Variants in GPCPD1 observed in about 807,000 individuals in gnomAD.
GPCPD1 encodes the protein glycerophosphocholine phosphodiesterase GPCPD1.
In GPCPD1, 29 loss-of-function variants were observed where a neutral mutation model predicts 89.2. The ratio of observed to expected loss-of-function variants is 0.33; its 90% CI spans 0.24 to 0.44. GPCPD1 has a LOEUF of 0.44. Among genes scored for constraint, GPCPD1 ranks in the 20% least tolerant of loss-of-function variants. The pLI is 1.00. For synonymous variants in GPCPD1, 258 were observed against 266.3 expected, an observed-to-expected ratio of 0.97 and a Z score of 0.30; for missense variants, 594 against 808.9, an observed-to-expected ratio of 0.73 and a Z score of 3.22.
chr20:5,583,014 C>T (rs995529921), intron 6 of GPCPD1, among the ~76,000 whole-genome samples: 3 of 152,030 alleles, frequency 2.0e-5, no homozygotes, highest in African/African-American at 4.8e-5. Flanking sequence ...GCAGGAGGAT[C>T]ACCTGAAGTC....
At chr20:5,603,404 T>A (rs1452114543) in intron 2 of GPCPD1, among the ~76,000 whole-genome samples, 3 of 152,076 alleles carry the variant, frequency 2.0e-5, no homozygotes, top group Non-Finnish European at 2.9e-5. Flanking sequence ...ATCTGGAGGC[T>A]GGCAGTGGGG....
At chr20:5,552,215 C>CT (rs1985456519) in intron 19 of GPCPD1, among the ~76,000 whole-genome samples, 2 of 152,084 alleles carry the variant, frequency 1.3e-5, no homozygotes, top group African/African-American at 4.8e-5. Context: ...CATAACCCAC[C>CT]TTTCCCCTCC....
intron 19 of GPCPD1, 44 bp from the exon 20 acceptor site, chr20:5,547,894 A>G (rs750039361): frequency 1.8e-6 from 2 of 1,112,226 alleles, no homozygotes; most frequent in Non-Finnish European, 2.6e-6. Flanking sequence ...CTGTAATTTT[A>G]TGGTTTACCT....
At chr20:5,565,208 A>G (rs749772718) in intron 14 of GPCPD1, 130 bp from the exon 15 acceptor site, 21 of 616,246 alleles carry the variant, frequency 3.4e-5, no homozygotes, top group East Asian at 2.2e-4. Flanking sequence ...GCGCGAGAGC[A>G]TAAGTAACTC....
Position 5,562,976 on chromosome 20 carries a change from G to A in GPCPD1, c.1330-1446C>T, listed in dbSNP as rs148089218. Among the ~76,000 whole-genome samples, 7 of 151,218 alleles carry A rather than the reference G, an allele frequency of 4.6e-5. No individual in the cohort carries two copies. In the East Asian group the frequency reaches 9.7e-4, roughly 21 times the overall value. On this transcript the variant is annotated intron_variant, in intron 15 of 19. Coordinates refer to ENST00000379019, the MANE Select transcript of GPCPD1 (RefSeq NM_019593.5). The stretch of plus-strand genomic sequence containing the variant: ...AGATTATATTTGGTATTATTTTGGC[G>A]TTAAAATTTCTTTTTTTTTTTTTTG...
intron 2 of GPCPD1, among the ~76,000 whole-genome samples, chr20:5,600,184 A>G (rs977662322): frequency 1.3e-5 from 2 of 152,248 alleles, no homozygotes; most frequent in Admixed American, 6.5e-5. Flanking sequence ...AGCCACCTGC[A>G]TGAGCATTTT....
At chr20:5,607,894 T>A (rs186959321) in intron 1 of GPCPD1, among the ~76,000 whole-genome samples, 12 of 151,284 alleles carry the variant, frequency 7.9e-5, no homozygotes, top group African/African-American at 2.2e-4. Flanking sequence ...CTATCACCCA[T>A]CAAAAGAGCT....
intron 5 of GPCPD1, chr20:5,585,612 T>TACAAAAAAAAAAAG (rs1371220992): frequency 1.2e-5 from 1 of 83,442 alleles, no homozygotes. Flanking sequence ...GAAAACAACT[T>TACAAAAAAAAAAAG]ACAAAAAAAA....
Position 5,586,238 on chromosome 20 carries a change from T to C in GPCPD1, c.263A>G (p.His88Arg), listed in dbSNP as rs1357392424. Residue 88 changes from histidine to arginine, a missense_variant, in exon 5 of 20, where the codon CAC (histidine) becomes CGC (arginine). Transcript: ENST00000379019. ...TIGGPCQVIV[H>R]KWETHLQPRS... ...TGGTTGTAGATGAGTCTCCCACTTG[T>C]GAACTATCACTTGACATGGACCACC... 1 of 1,599,622 alleles carries C rather than the reference T, an allele frequency of 6.3e-7. No individual in the cohort carries two copies.
In GPCPD1 at chr20:5,550,357, A is replaced by G. The variant is rs544586870; in HGVS notation, c.1830-2507T>C. 3.5e-4 allele frequency among the ~76,000 whole-genome samples: 53 copies of G among 152,042 alleles called. No individual in the cohort carries two copies. The South Asian group carries it at 9.1e-3, about 26-fold the overall frequency. ...CTGGTCCAAGAGCTATTTGATTCAA[A>G]CAAAAAGACTTCTATAAAGAAAAAA... On this transcript the variant is annotated intron_variant, in intron 19 of 19. Transcript: ENST00000379019.
chr20:5,567,309 A>G (rs1472047902), intron 13 of GPCPD1, among the ~76,000 whole-genome samples, 174 bp downstream of exon 13: 1 of 152,202 alleles, frequency 6.6e-6, no homozygotes, highest in Non-Finnish European at 1.5e-5. Flanking sequence ...GTTGGAGAAG[A>G]CAGCTGGATC....
chr20:5,592,546 C>T (rs1000662111), intron 4 of GPCPD1, among the ~76,000 whole-genome samples: 5 of 152,094 alleles, frequency 3.3e-5, no homozygotes, highest in African/African-American at 7.2e-5. Flanking sequence ...ATTTTTCACA[C>T]GTAACAAAAA....
At chr20:5,592,322 T>G (rs1979385273) in intron 4 of GPCPD1, among the ~76,000 whole-genome samples, 1 of 152,224 alleles carries the variant, frequency 6.6e-6, no homozygotes, top group South Asian at 2.1e-4. Flanking sequence ...GCCCTTTTCT[T>G]AAGTTAAAGT....
At chr20:5,597,021 C>T (rs1452185749) in intron 3 of GPCPD1, among the ~76,000 whole-genome samples, 1 of 152,072 alleles carries the variant, frequency 6.6e-6, no homozygotes, top group East Asian at 1.9e-4. Context: ...GAGACAAGTT[C>T]AGAAAGATAT....
intron 19 of GPCPD1, among the ~76,000 whole-genome samples, chr20:5,556,563 G>A (rs1177253666): frequency 1.3e-5 from 2 of 152,086 alleles, no homozygotes; most frequent in Non-Finnish European, 2.9e-5. Flanking sequence ...TTGCTGTGGT[G>A]GTCTGGATCC....
intron 1 of GPCPD1, among the ~76,000 whole-genome samples, chr20:5,608,789 G>A (rs1050785826): frequency 6.6e-6 from 1 of 152,124 alleles, no homozygotes; most frequent in African/African-American, 2.4e-5. Flanking sequence ...ACAGGCTTTT[G>A]CTTTTTGGTT....
chr20:5,549,653 T>C (rs1187645555), intron 19 of GPCPD1, among the ~76,000 whole-genome samples: 1 of 145,324 alleles, frequency 6.9e-6, no homozygotes, highest in African/African-American at 2.6e-5. Flanking sequence ...TTCACTGAGG[T>C]GGGAGGACTG....
chr20:5,584,770 T>C (rs188350579), intron 5 of GPCPD1: 1 of 153,226 alleles, frequency 6.5e-6, no homozygotes. Context: ...AACTATTCAC[T>C]ACTGCCAGTT....
chr20:5,572,048 G>A (rs117393227), intron 11 of GPCPD1, among the ~76,000 whole-genome samples: 2,348 of 152,052 alleles, frequency 0.015, 24 homozygotes, highest in Non-Finnish European at 0.026. Flanking sequence ...GTGAGATCCC[G>A]TCTCTACAAA....
Sources: gnomAD v4.1 joint callset for allele counts (sites outside exome capture counted in the v4.1 genomes callset) on GRCh38, gnomAD v4.1.1 for gene constraint, MANE v1.5 for transcripts, NCBI Gene and HGNC (gene_info 2026-07-23, HGNC 2026-07-21) for gene names.